Variants in LRRTM4 observed in about 807,000 individuals in gnomAD.
LRRTM4 encodes the protein leucine-rich repeat transmembrane neuronal protein 4.
A neutral mutation model predicts 47.6 loss-of-function variants in LRRTM4; 25 were observed. The observed-to-expected ratio is 0.53, with a 90% CI of 0.38 to 0.73. LRRTM4 has a LOEUF of 0.73. LRRTM4 is among the 30% of genes least tolerant of loss of function. The pLI, the probability that LRRTM4 is intolerant of heterozygous loss-of-function variation, is 0.00. For synonymous variants in LRRTM4, 311 were observed against 269.5 expected (o/e 1.15, Z -1.51); for missense variants, 638 against 713.4 (o/e 0.89, Z 1.20).
At chr2:76,834,447 C>T (rs936175304) in intron 3 of LRRTM4, among the ~76,000 whole-genome samples, 9 of 151,970 alleles carry the variant, frequency 5.9e-5, no homozygotes, top group African/African-American at 1.9e-4. Flanking sequence ...AATTATTCTT[C>T]AATGAGAATA....
intron 3 of LRRTM4, among the ~76,000 whole-genome samples, chr2:76,750,907 G>A (rs550176335): frequency 4.2e-4 from 64 of 152,146 alleles, no homozygotes; most frequent in Admixed American, 6.5e-4. Context: ...TTTTCTATGC[G>A]CAAATGCAAC....
intron 3 of LRRTM4, among the ~76,000 whole-genome samples, chr2:76,762,124 T>C (rs1293533570): frequency 1.3e-5 from 2 of 152,206 alleles, no homozygotes; most frequent in Admixed American, 6.5e-5. Context: ...CTAACTGTTA[T>C]ACCATGCTCC....
At chr2:76,994,393 T>G (rs532256521) in intron 3 of LRRTM4, among the ~76,000 whole-genome samples, 1 of 151,944 alleles carries the variant, frequency 6.6e-6, no homozygotes, top group African/African-American at 2.4e-5. Flanking sequence ...ACCAATTTCA[T>G]GTGCAAGCAT....
intron 3 of LRRTM4, among the ~76,000 whole-genome samples, chr2:77,235,369 T>C (rs1432873911): frequency 2.0e-5 from 3 of 152,160 alleles, no homozygotes; most frequent in African/African-American, 7.2e-5. Flanking sequence ...TGCCCATTTT[T>C]AATGGGGTTA....
intron 3 of LRRTM4, among the ~76,000 whole-genome samples, chr2:77,075,765 A>T (rs1158522339): frequency 6.7e-6 from 1 of 150,118 alleles, no homozygotes; most frequent in African/African-American, 2.5e-5. Context: ...AATACAAAAA[A>T]TTAGCCGGGC....
intron 3 of LRRTM4, among the ~76,000 whole-genome samples, chr2:77,096,364 T>C (rs1046566389): frequency 6.6e-6 from 1 of 151,584 alleles, no homozygotes; most frequent in Non-Finnish European, 1.5e-5. Context: ...CAAAAGGAGC[T>C]TACTACTAAT....
At chr2:77,164,110 G>C (rs1452843435) in intron 3 of LRRTM4, among the ~76,000 whole-genome samples, 1 of 152,140 alleles carries the variant, frequency 6.6e-6, no homozygotes, top group Non-Finnish European at 1.5e-5. Context: ...AAGGGATGGA[G>C]GAAAATCTAC....
intron 3 of LRRTM4, among the ~76,000 whole-genome samples, chr2:77,322,588 G>C (rs751252965): frequency 2.6e-5 from 4 of 151,822 alleles, no homozygotes; most frequent in Non-Finnish European, 4.4e-5. Flanking sequence ...AAAAACAAGA[G>C]TTTGGAATGG....
At chr2:77,362,121 G>GAAAGAAAGAAAGAAAGA (rs1553434367) in intron 3 of LRRTM4, among the ~76,000 whole-genome samples, 7 of 111,950 alleles carry the variant, frequency 6.3e-5, no homozygotes, top group Non-Finnish European at 1.2e-4. Context: ...AAGAGAGAAA[G>GAAAGAAAGAAAGAAAGA]AAAGAAAGAA....
At chr2:77,294,479 G>A (rs533372925) in intron 3 of LRRTM4, among the ~76,000 whole-genome samples, 2 of 152,056 alleles carry the variant, frequency 1.3e-5, no homozygotes, top group Non-Finnish European at 1.5e-5. Context: ...AATTGCAACC[G>A]TTTTGTGTTT....
chr2:77,440,204 C>G (rs920267413), intron 3 of LRRTM4, among the ~76,000 whole-genome samples: 22 of 152,130 alleles, frequency 1.4e-4, no homozygotes, highest in Non-Finnish European at 2.8e-4. Flanking sequence ...CACGAGGTCA[C>G]GAAATCGAGA....
intron 3 of LRRTM4, among the ~76,000 whole-genome samples, chr2:76,903,508 C>T (rs941109188): frequency 2.6e-5 from 4 of 152,110 alleles, no homozygotes; most frequent in Non-Finnish European, 5.9e-5. Flanking sequence ...TGCACTCCAT[C>T]CTGGGCCACA....
At chr2:76,992,007 C>T (rs1442271538) in intron 3 of LRRTM4, among the ~76,000 whole-genome samples, 1 of 151,626 alleles carries the variant, frequency 6.6e-6, no homozygotes, top group Non-Finnish European at 1.5e-5. Flanking sequence ...ATGTGGTTCA[C>T]CACATAAAGA....
intron 3 of LRRTM4, among the ~76,000 whole-genome samples, chr2:76,875,880 C>A (rs1162772741): frequency 2.0e-5 from 3 of 152,158 alleles, no homozygotes; most frequent in African/African-American, 7.2e-5. Flanking sequence ...GCAGACTCAA[C>A]TTCAGCTGAG....
At chr2:77,465,807 T>G (rs1676960383) in intron 3 of LRRTM4, among the ~76,000 whole-genome samples, 1 of 152,222 alleles carries the variant, frequency 6.6e-6, no homozygotes, top group Non-Finnish European at 1.5e-5. Flanking sequence ...TTGGATTTAT[T>G]TATTGGTTTG....
At chr2:76,854,141 G>A (rs968814130) in intron 3 of LRRTM4, among the ~76,000 whole-genome samples, 1 of 152,048 alleles carries the variant, frequency 6.6e-6, no homozygotes, top group Non-Finnish European at 1.5e-5. Context: ...ATTACATTAC[G>A]AGAAGATGAA....
chr2:76,960,338 T>G (rs918050693), intron 3 of LRRTM4, among the ~76,000 whole-genome samples: 3 of 151,780 alleles, frequency 2.0e-5, no homozygotes, highest in African/African-American at 7.2e-5. Flanking sequence ...CATGCATTTT[T>G]TATTTTTTGT....
chr2:77,252,935 T>C (rs1284644385), intron 3 of LRRTM4, among the ~76,000 whole-genome samples: 1 of 152,172 alleles, frequency 6.6e-6, no homozygotes. Flanking sequence ...TGCCTTCATA[T>C]GGTCGTTGTG....
At chr2:77,386,590 A>G (rs1370747586) in intron 3 of LRRTM4, among the ~76,000 whole-genome samples, 1 of 152,146 alleles carries the variant, frequency 6.6e-6, no homozygotes, top group African/African-American at 2.4e-5. Context: ...ATGTGTCTTT[A>G]TAGTAGAATG....
Sources: gnomAD v4.1 joint callset for allele counts (sites outside exome capture counted in the v4.1 genomes callset) on GRCh38, gnomAD v4.1.1 for gene constraint, MANE v1.5 for transcripts, NCBI Gene and HGNC (gene_info 2026-07-23, HGNC 2026-07-21) for gene names.